USP10: variants seen among roughly 807,000 people sequenced by gnomAD.
The protein encoded by USP10 is ubiquitin carboxyl-terminal hydrolase 10.
USP10 carries 22 observed loss-of-function variants against 84.5 expected under a neutral mutation model. The observed-to-expected ratio is 0.26, with a 90% confidence interval of 0.19 to 0.37. The LOEUF (loss-of-function observed/expected upper bound fraction) is 0.37. Ranked by LOEUF, USP10 falls within the 10% of genes least tolerant of loss-of-function variation. The pLI is 1.00. For missense variants in USP10, 1,019 were observed against 998.9 expected, an observed-to-expected ratio of 1.02 and a Z score of -0.27; for synonymous variants, 454 against 387.6, an observed-to-expected ratio of 1.17 and a Z score of -2.01.
chr16:84,753,021 C>T (rs915243665), intron 4 of USP10, among the ~76,000 whole-genome samples: 3 of 152,036 alleles, frequency 2.0e-5, no homozygotes, highest in African/African-American at 7.2e-5. Flanking sequence ...GGCTGGAGTG[C>T]TGTGGCATGA....
At chr16:84,735,891 A>G (rs148099491) in intron 2 of USP10, among the ~76,000 whole-genome samples, 40 of 152,334 alleles carry the variant, frequency 2.6e-4, no homozygotes, top group Non-Finnish European at 5.0e-4. Context: ...GTTTTCCCCA[A>G]TCTTCAGGAA....
intron 11 of USP10, among the ~76,000 whole-genome samples, chr16:84,769,316 C>A (rs1340273078): frequency 6.6e-6 from 1 of 152,126 alleles, no homozygotes; most frequent in Non-Finnish European, 1.5e-5. Flanking sequence ...ACCCTTAGCA[C>A]CTTCGGGGTG....
intron 2 of USP10, among the ~76,000 whole-genome samples, chr16:84,736,438 T>C (rs973570747): frequency 2.0e-5 from 3 of 152,228 alleles, no homozygotes; most frequent in Non-Finnish European, 2.9e-5. Flanking sequence ...AGGTGGCTAG[T>C]AATTTAGTGG....
chr16:84,702,500 C>T (rs1327120618), intron 1 of USP10, among the ~76,000 whole-genome samples: 1 of 152,084 alleles, frequency 6.6e-6, no homozygotes, highest in Non-Finnish European at 1.5e-5. Context: ...GCCTACTGTC[C>T]TAAGAGTCTT....
chr16:84,702,377 A>G (rs946453363), intron 1 of USP10, among the ~76,000 whole-genome samples: 2 of 152,054 alleles, frequency 1.3e-5, no homozygotes, highest in Non-Finnish European at 2.9e-5. Context: ...CATAATTTTC[A>G]TTTTAAAAGA....
chr16:84,772,197 G>A (rs1597403362), intron 11 of USP10, among the ~76,000 whole-genome samples: 2 of 151,978 alleles, frequency 1.3e-5, no homozygotes, highest in East Asian at 3.9e-4. Context: ...GGTTACAGGC[G>A]CCCACCACCA....
intron 3 of USP10, among the ~76,000 whole-genome samples, chr16:84,741,996 G>T (rs1265692320): frequency 6.6e-6 from 1 of 152,192 alleles, no homozygotes; most frequent in Non-Finnish European, 1.5e-5. Flanking sequence ...ACCTCCAGCT[G>T]CAGCAAGCCC....
intron 8 of USP10, among the ~76,000 whole-genome samples, chr16:84,761,281 C>T (rs556435497): frequency 7.7e-4 from 118 of 152,288 alleles, no homozygotes; most frequent in Non-Finnish European, 1.3e-3. Flanking sequence ...GCTCAGGAAC[C>T]CCTCTTGGAT....
intron 2 of USP10, among the ~76,000 whole-genome samples, chr16:84,736,024 A>G (rs949848087): frequency 1.3e-5 from 2 of 150,338 alleles, no homozygotes; most frequent in Non-Finnish European, 3.0e-5. Context: ...GTGAGTGGCG[A>G]GGGCGTGTCA....
At chr16:84,716,495 AACAGTTCATTCACAGAG>A (rs1206053408) in intron 1 of USP10, 2 of 152,210 alleles carry the variant, frequency 1.3e-5, no homozygotes, top group Non-Finnish European at 2.9e-5. Context: ...ACAAGGAGAT[AACAGTTCATTCACAGAG>A]ACATAGGTAA....
At chr16:84,735,302 G>C (rs138175864) in intron 2 of USP10, among the ~76,000 whole-genome samples, 15 of 151,712 alleles carry the variant, frequency 9.9e-5, no homozygotes, top group Non-Finnish European at 1.9e-4. Context: ...GTAACCATAC[G>C]TTTTAGTTGC....
At position 84,764,209 on chromosome 16, in the gene USP10, G is replaced by A. The variant is rs373590750; in HGVS notation, c.1778G>A (p.Arg593His). 5.3e-5 allele frequency: 86 copies of A among 1,613,976 alleles called. No individual in the cohort carries two copies. The highest frequency in any genetic ancestry group is 4.8e-4 in the African/African-American group (36 of 75,048). ...VGPRNKTSVTRQADFVQTPIT... is the reference protein window; with the variant it reads ...VGPRNKTSVTHQADFVQTPIT... ...CCCCGGAACAAGACTTCCGTCACCCGCCAGGCGGATTTTGTTCAGACTCCA... is the reference window on the plus strand; with the variant it reads ...CCCCGGAACAAGACTTCCGTCACCCACCAGGCGGATTTTGTTCAGACTCCA... The change falls in exon 10 of 14, where the codon CGC becomes CAC. Residue 593 changes from arginine (R) to histidine (H), a missense_variant. Arg to His is a conservative substitution (Grantham distance 29). Transcript: ENST00000219473.
chr16:84,749,159 AT>A (rs1337573177), intron 4 of USP10, among the ~76,000 whole-genome samples: 3 of 151,988 alleles, frequency 2.0e-5, no homozygotes, highest in Non-Finnish European at 4.4e-5. Flanking sequence ...ATTGTTTGAA[AT>A]TTTTTTTGTT....
chr16:84,723,377 A>AT (rs1908061441), intron 1 of USP10, among the ~76,000 whole-genome samples: 1 of 152,102 alleles, frequency 6.6e-6, no homozygotes. Context: ...TTATTTCTTG[A>AT]TTGTATTTAT....
intron 3 of USP10, among the ~76,000 whole-genome samples, chr16:84,743,209 A>G (rs1317340665): frequency 6.6e-6 from 1 of 152,240 alleles, no homozygotes; most frequent in Non-Finnish European, 1.5e-5. Flanking sequence ...AAGGAATTAG[A>G]TGGTCGTGAC....
intron 2 of USP10, among the ~76,000 whole-genome samples, chr16:84,739,253 G>GT (rs1242350016): frequency 9.2e-5 from 13 of 140,812 alleles, no homozygotes; most frequent in African/African-American, 2.8e-4. Context: ...TAGAGACAGG[G>GT]TTTGTTTTTT....
chr16:84,740,966 AG>A (rs1422264506), intron 3 of USP10, among the ~76,000 whole-genome samples: 1 of 152,268 alleles, frequency 6.6e-6, no homozygotes, highest in Non-Finnish European at 1.5e-5. Flanking sequence ...AATACCAACA[AG>A]GTTGTTTAAT....
At chr16:84,737,274 T>C (rs1204702845) in intron 2 of USP10, among the ~76,000 whole-genome samples, 2 of 152,260 alleles carry the variant, frequency 1.3e-5, no homozygotes, top group Non-Finnish European at 2.9e-5. Context: ...TTAGCATAAC[T>C]ATTAATAGAT....
rs1159568683 is a variant in USP10, at chr16:84,763,232, G to A, written c.1654+144G>A. The A allele has an allele frequency of 6.3e-5, 31 of 491,436 alleles. No individual in the cohort carries two copies. In the East Asian group the frequency reaches 9.0e-4, roughly 14 times the overall value. 30.4% of individuals were successfully genotyped at this position (491,436 alleles called of 1,614,324 possible). On this transcript the variant is annotated intron_variant, in intron 9 of 13. Transcript: ENST00000219473. ...ATTCCCTACGATAACTTACACCATC[G>A]AGAAGGTTATATTTAGGTAAATTAC...
Sources: gnomAD v4.1 joint callset for allele counts (sites outside exome capture counted in the v4.1 genomes callset) on GRCh38, gnomAD v4.1.1 for gene constraint, MANE v1.5 for transcripts, NCBI Gene and HGNC (gene_info 2026-07-23, HGNC 2026-07-21) for gene names.